The following YWHAQ variants were observed in gnomAD, a reference collection of about 807,000 sequenced individuals.
YWHAQ encodes tyrosine 3-monooxygenase/tryptophan 5-monooxygenase activation protein theta.
YWHAQ carries 6 observed loss-of-function variants against 28.3 expected under a neutral mutation model. The observed-to-expected ratio is 0.21, with a 90% CI of 0.12 to 0.42. The LOEUF (loss-of-function observed/expected upper bound fraction) is 0.42. Among genes scored for constraint, YWHAQ ranks in the 10% least tolerant of loss-of-function variants. The probability of loss-of-function intolerance (pLI) is 1.00; values close to 1 mark genes in which losing one functional copy is unlikely to be tolerated. For missense variants in YWHAQ, 201 were observed against 305.6 expected, an observed-to-expected ratio of 0.66 and a Z score of 2.55; for synonymous variants, 143 against 119.1, an observed-to-expected ratio of 1.20 and a Z score of -1.31.
chr2:9,588,833 T>C (rs1016996861), intron 3 of YWHAQ, among the ~76,000 whole-genome samples: 4 of 152,104 alleles, frequency 2.6e-5, no homozygotes, highest in Non-Finnish European at 4.4e-5. Context: ...TATGGCCAGG[T>C]GCAGTGGCTC....
chr2:9,599,614 G>A (rs888600185), intron 2 of YWHAQ, among the ~76,000 whole-genome samples: 8 of 152,068 alleles, frequency 5.3e-5, no homozygotes, highest in Admixed American at 2.0e-4. Context: ...CCTGGATGAC[G>A]GCATCTGTTT....
At chr2:9,599,632 G>A (rs1666648192) in intron 2 of YWHAQ, among the ~76,000 whole-genome samples, 1 of 152,152 alleles carries the variant, frequency 6.6e-6, no homozygotes, top group Non-Finnish European at 1.5e-5. Flanking sequence ...TTTACAAAAT[G>A]CTTCACTGAA....
At chr2:9,629,350 G>C (rs1193067158) in intron 2 of YWHAQ, among the ~76,000 whole-genome samples, 1 of 152,154 alleles carries the variant, frequency 6.6e-6, no homozygotes, top group Non-Finnish European at 1.5e-5. Flanking sequence ...CGGATCAAAA[G>C]ATCCATGGAA....
intron 5 of YWHAQ, among the ~76,000 whole-genome samples, chr2:9,585,678 T>C (rs1055532208): frequency 1.3e-5 from 2 of 152,088 alleles, no homozygotes; most frequent in African/African-American, 4.8e-5. Context: ...GAGGCCAAGA[T>C]GAGAAGATCG....
chr2:9,613,785 T>C (rs927792732), intron 2 of YWHAQ, among the ~76,000 whole-genome samples: 1 of 152,214 alleles, frequency 6.6e-6, no homozygotes, highest in African/African-American at 2.4e-5. Flanking sequence ...AGTATTACCT[T>C]GCCCCTGCCC....
intron 2 of YWHAQ, among the ~76,000 whole-genome samples, chr2:9,603,933 C>T (rs1666766847): frequency 6.6e-6 from 1 of 152,040 alleles, no homozygotes; most frequent in African/African-American, 2.4e-5. Flanking sequence ...TCAACAACAA[C>T]AAAACCCATA....
intron 2 of YWHAQ, among the ~76,000 whole-genome samples, chr2:9,607,165 G>C (rs540240615): frequency 2.1e-4 from 32 of 151,234 alleles, no homozygotes; most frequent in African/African-American, 6.8e-4. Context: ...ACAGGCGTGA[G>C]CCACACGCCT....
At position 9,630,551 on chromosome 2, in the gene YWHAQ, C is replaced by CGGCGA. The variant is rs997814161; in HGVS notation, c.-82-22_-82-18dup. On this transcript the variant is annotated splice_polypyrimidine_tract_variant and intron_variant, in intron 1 of 5. Transcript: ENST00000238081. The surrounding 1 kb of genome is among the most constrained non-coding windows in gnomAD (Gnocchi z 5.6). ...CCTCGAGAGCTGCGGAGGGGCGGGG[C>CGGCGA]GGCGAGGCGAGAACAAAAAGCAGAG... is the stretch of plus-strand genomic sequence containing the variant. 3 of 1,235,116 alleles carry CGGCGA rather than the reference C, an allele frequency of 2.4e-6. No homozygotes were observed. Among genetic ancestry groups the CGGCGA allele is most frequent in the Non-Finnish European group, 3.3e-6 (3 of 919,496 alleles). The allele number at this position is 1,235,116 out of a possible 1,614,324, so 76.5% of individuals were successfully genotyped here.
intron 2 of YWHAQ, among the ~76,000 whole-genome samples, chr2:9,605,065 A>C (rs543734723): frequency 6.6e-6 from 1 of 152,268 alleles, no homozygotes; most frequent in East Asian, 1.9e-4. Flanking sequence ...TTTTGATCAA[A>C]GTCATAATGT....
chr2:9,584,303 G>A lies in YWHAQ; in HGVS notation c.*983C>T, dbSNP rs1313783663. 6.6e-6 allele frequency: 1 copy of A among 152,574 alleles called. No individual in the cohort carries two copies. Among genetic ancestry groups the A allele is most frequent in the African/African-American group, 2.4e-5 (1 of 41,422 alleles). The allele number at this position is 152,574 out of a possible 1,614,324, so 9.5% of individuals were successfully genotyped here. ...ATGTACTTTTATTTTATGTTACTCT[G>A]CTGTTACATAGGGCATAACATTTTC... On this transcript the variant is annotated 3_prime_UTR_variant, in exon 6 of 6. Transcript: ENST00000238081.
Position 9,584,592 on chromosome 2 carries a change from T to C in YWHAQ, c.*694A>G, listed in dbSNP as rs542996766. ...ATGCTACTTCTATCACATAGTAAAG[T>C]GAATACCAGAACTACAAAGGCAGGA... On this transcript the variant is annotated 3_prime_UTR_variant, in exon 6 of 6. Coordinates refer to ENST00000238081, the MANE Select transcript of YWHAQ (RefSeq NM_006826.4). 1.3e-5 allele frequency: 2 copies of C among 152,592 alleles called. No individual in the cohort carries two copies. The highest frequency in any genetic ancestry group is 2.9e-5 in the Non-Finnish European group (2 of 68,040). 9.5% of individuals were successfully genotyped at this position (152,592 alleles called of 1,614,324 possible).
intron 2 of YWHAQ, among the ~76,000 whole-genome samples, chr2:9,592,771 C>A (rs1666483662): frequency 6.6e-6 from 1 of 152,046 alleles, no homozygotes; most frequent in African/African-American, 2.4e-5. Context: ...TTAAATATTA[C>A]AAAGCAAAAT....
At chr2:9,616,350 A>T (rs1044002883) in intron 2 of YWHAQ, among the ~76,000 whole-genome samples, 3 of 152,088 alleles carry the variant, frequency 2.0e-5, no homozygotes, top group Non-Finnish European at 4.4e-5. Flanking sequence ...AGGAGCTAAA[A>T]TGATAAAACT....
At chr2:9,628,314 G>A (rs1667287917) in intron 2 of YWHAQ, among the ~76,000 whole-genome samples, 1 of 152,154 alleles carries the variant, frequency 6.6e-6, no homozygotes, top group Non-Finnish European at 1.5e-5. Flanking sequence ...TTCAGGGGTT[G>A]TCCCCATTGA....
chr2:9,604,667 C>T (rs1212697136), intron 2 of YWHAQ, among the ~76,000 whole-genome samples: 1 of 152,060 alleles, frequency 6.6e-6, no homozygotes, highest in African/African-American at 2.4e-5. Context: ...GTAAGGAGGG[C>T]CGGCTTTTTG....
At position 9,630,128 on chromosome 2, in the gene YWHAQ, G is replaced by A; in HGVS notation, c.294+31C>T. 6.3e-7 allele frequency: 1 copy of A among 1,590,716 alleles called. No individual in the cohort carries two copies. The highest frequency in any genetic ancestry group is 1.1e-5 in the South Asian group (1 of 89,712). On this transcript the variant is annotated intron_variant, in intron 2 of 5. Coordinates refer to ENST00000238081, the MANE Select transcript of YWHAQ (RefSeq NM_006826.4). This position sits in a 1 kb window ranked among gnomAD's most constrained non-coding sequence, Gnocchi z 5.6. Reference sequence around the variant, plus strand: ...CTCAATGAAAAGCATCTCACAAAAGGCCTCCCCTGCTCCCCGCGCCGAGGA... The same window carrying A: ...CTCAATGAAAAGCATCTCACAAAAGACCTCCCCTGCTCCCCGCGCCGAGGA...
intron 4 of YWHAQ, among the ~76,000 whole-genome samples, chr2:9,587,775 C>T (rs539984822): frequency 1.3e-5 from 2 of 152,340 alleles, no homozygotes; most frequent in South Asian, 4.1e-4. Flanking sequence ...GACTTCTTTC[C>T]AGTTAAGTAG....
rs1572983266 is a variant in YWHAQ at position 9,585,033 on chromosome 2, T to C, written c.*253A>G. 2.1e-6 allele frequency: 1 copy of C among 480,222 alleles called. No homozygotes were observed. The highest frequency in any genetic ancestry group is 3.6e-5 in the Admixed American group (1 of 27,654). The allele number at this position is 480,222 out of a possible 1,614,324, so 29.7% of individuals were successfully genotyped here. On this transcript the variant is annotated 3_prime_UTR_variant, in exon 6 of 6. Transcript: ENST00000238081. ...CATTTTTAGTCCTCTACATAAGTGT[T>C]TGGGAGTTACTTATGTTTATATGAA...
At chr2:9,594,221 T>A (rs11674777) in intron 2 of YWHAQ, among the ~76,000 whole-genome samples, 89,176 of 151,898 alleles carry the variant, frequency 0.59, 28,594 homozygotes, top group African/African-American at 0.82. Flanking sequence ...GACAAATCAG[T>A]TTTTCAGAAT....
Sources: allele counts gnomAD v4.1 joint callset (sites outside exome capture counted in the v4.1 genomes callset), GRCh38; gene constraint gnomAD v4.1.1; non-coding constraint Gnocchi (gnomAD v3.1); transcripts MANE v1.5; gene names NCBI Gene and HGNC (gene_info 2026-07-23, HGNC 2026-07-21).